Variants in TMEM63B observed in about 807,000 individuals in gnomAD.
TMEM63B encodes mechanosensitive cation channel TMEM63B.
Under a neutral mutation model 102.6 loss-of-function variants are expected in TMEM63B, and 23 were observed. That is an observed-to-expected ratio of 0.22 (90% CI 0.16 to 0.32). The LOEUF (loss-of-function observed/expected upper bound fraction) is 0.32, where lower values mean the gene tolerates loss of function less well. Ranked by LOEUF, TMEM63B falls within the 10% of genes least tolerant of loss-of-function variation. The pLI is 1.00. For synonymous variants in TMEM63B, 444 were observed against 437.0 expected (o/e 1.02, Z -0.20); for missense variants, 628 against 1,095.9 (o/e 0.57, Z 6.03).
chr6:44,136,237 T>C (rs1762921619), intron 4 of TMEM63B, 112 bp from the exon 5 acceptor site: 2 of 825,620 alleles, frequency 2.4e-6, no homozygotes, highest in Non-Finnish European at 4.1e-6. Context: ...GCCTCTGCGC[T>C]TCCTGTGCCT....
In TMEM63B at chr6:44,150,473, T is replaced by A; in HGVS notation, c.1608-91T>A. The A allele has an allele frequency of 6.6e-7, 1 of 1,519,634 alleles. No homozygotes were observed. Among genetic ancestry groups the A allele is most frequent in the Non-Finnish European group, 9.1e-7 (1 of 1,097,342 alleles). 94.1% of individuals were successfully genotyped at this position (1,519,634 alleles called of 1,614,324 possible). A position where few individuals can be genotyped will look rare whatever the true frequency, so the allele number is the denominator to read the frequency against. On this transcript the variant is annotated intron_variant, in intron 17 of 23. Transcript: ENST00000323267. This position sits in a 1 kb window ranked among gnomAD's most constrained non-coding sequence, Gnocchi z 4.7. The stretch of plus-strand genomic sequence containing the variant: ...GCTACCCACCCCATGTCTGGGAGTC[T>A]CCCCAGTGGCTCACAGAGGAGGGAC...
intron 1 of TMEM63B, among the ~76,000 whole-genome samples, chr6:44,131,689 A>G (rs1778308312): frequency 6.6e-6 from 1 of 152,006 alleles, no homozygotes; most frequent in African/African-American, 2.4e-5. Context: ...ACTGCACTCC[A>G]CTCTGGTGAC....
At chr6:44,140,651 T>G (rs890679138) in intron 9 of TMEM63B, 22 of 573,902 alleles carry the variant, frequency 3.8e-5, no homozygotes, top group Admixed American at 2.5e-4. Context: ...ATAGTAATAT[T>G]CCTTCCCCTT....
At position 44,135,045 on chromosome 6, in the gene TMEM63B, G is replaced by A. The variant is rs961980645; in HGVS notation, c.188G>A (p.Arg63Gln). 3 of 1,614,230 alleles carry A rather than the reference G, an allele frequency of 1.9e-6. No individual in the cohort carries two copies. Among genetic ancestry groups the A allele is most frequent in the Non-Finnish European group, 1.7e-6 (2 of 1,180,042 alleles). ...CTGCTGTTCTTATTCTCTATCCTCC[G>A]GAAGGTGGCCTGGGACTATGGGCGG... ...LALLFLFSILRKVAWDYGRLA... is the reference protein window; with the variant it reads ...LALLFLFSILQKVAWDYGRLA... Residue 63 changes from arginine to glutamine, a missense_variant, in exon 3 of 24, where the codon CGG becomes CAG. This residue lies in a region of TMEM63B where 336 missense variants were observed against 580.3 expected (regional missense o/e 0.58). Coordinates refer to ENST00000323267, the MANE Select transcript of TMEM63B (RefSeq NM_018426.3).
chr6:44,135,299 T>G, intron 3 of TMEM63B, 29 bp from the exon 4 acceptor site: 1 of 1,608,934 alleles, frequency 6.2e-7, no homozygotes, highest in Non-Finnish European at 8.5e-7. Context: ...CCCCCGCCCC[T>G]GCTAACCCTG....
In TMEM63B at chr6:44,150,329, G is replaced by A; in HGVS notation, c.1607+19G>A. 6.2e-7 allele frequency: 1 copy of A among 1,610,250 alleles called. No homozygotes were observed. Among genetic ancestry groups the A allele is most frequent in the Non-Finnish European group, 8.5e-7 (1 of 1,176,606 alleles). The stretch of plus-strand genomic sequence containing the variant: ...TGAGCAGGTGAGTTGAGAAGGATGG[G>A]GCAGGAGCCAGGGTAGGGGGACAGC... On this transcript the variant is annotated intron_variant, in intron 17 of 23. Transcript: ENST00000323267. The surrounding 1 kb of genome is among the most constrained non-coding windows in gnomAD (Gnocchi z 4.7).
At position 44,152,506 on chromosome 6, in the gene TMEM63B, C is replaced by T. The variant is rs1427235488; in HGVS notation, c.1837-87C>T. ...TGGCTTCTTTTCCGGCCCCAGAGGT[C>T]CTGGCTCCCTTCCCCCTCCCTCCTT... is the stretch of plus-strand genomic sequence containing the variant. On this transcript the variant is annotated intron_variant, in intron 19 of 23. Transcript: ENST00000323267. This position sits in a 1 kb window ranked among gnomAD's most constrained non-coding sequence, Gnocchi z 6.4. 1.0e-6 allele frequency: 1 copy of T among 992,690 alleles called. No homozygotes were observed. The allele number at this position is 992,690 out of a possible 1,614,324, so 61.5% of individuals were successfully genotyped here. A position where few individuals can be genotyped will look rare whatever the true frequency, so the allele number is the denominator to read the frequency against.
At chr6:44,132,466 G>A (rs1029555038) in intron 1 of TMEM63B, among the ~76,000 whole-genome samples, 3 of 152,192 alleles carry the variant, frequency 2.0e-5, no homozygotes, top group African/African-American at 7.2e-5. Context: ...TTGGAATTCA[G>A]AGAGAGAAAC....
rs749697960 is a variant in TMEM63B, at chr6:44,150,545, C to T, written c.1608-19C>T. The T allele has an allele frequency of 6.2e-7, 1 of 1,614,012 alleles. No individual in the cohort carries two copies. Among genetic ancestry groups the T allele is most frequent in the South Asian group, 1.1e-5 (1 of 91,028 alleles). On this transcript the variant is annotated intron_variant, in intron 17 of 23. Transcript: ENST00000323267. This position sits in a 1 kb window ranked among gnomAD's most constrained non-coding sequence, Gnocchi z 4.7. ...TACCACTCCAGCTCCCACCCCATCT[C>T]TCCTCTGCTTCCCTCCAGCCTGGAC...
In TMEM63B at chr6:44,148,161, T is replaced by C. The variant is rs1216164178; in HGVS notation, c.988-91T>C. 11 of 1,554,600 alleles carry C rather than the reference T, an allele frequency of 7.1e-6. No homozygotes were observed. Among genetic ancestry groups the C allele is most frequent in the Non-Finnish European group, 9.5e-6 (11 of 1,153,708 alleles). On this transcript the variant is annotated intron_variant, in intron 12 of 23. Coordinates refer to ENST00000323267, the MANE Select transcript of TMEM63B (RefSeq NM_018426.3). The surrounding 1 kb of genome is among the most constrained non-coding windows in gnomAD (Gnocchi z 5.1). ...ATGCTTAGAGGAGCAGTGCCTGGCTTGTAGGAAGCCCCAAGTCAGCGTGGG... is the reference window on the plus strand; with the variant it reads ...ATGCTTAGAGGAGCAGTGCCTGGCTCGTAGGAAGCCCCAAGTCAGCGTGGG...
intron 10 of TMEM63B, among the ~76,000 whole-genome samples, chr6:44,145,417 C>T (rs796291909): frequency 2.0e-5 from 3 of 147,092 alleles, no homozygotes; most frequent in African/African-American, 7.5e-5. Flanking sequence ...CCTATCTCTA[C>T]TAAAAATACA....
intron 9 of TMEM63B, 186 bp downstream of exon 9, chr6:44,140,546 A>C (rs745634938): frequency 3.1e-5 from 21 of 686,888 alleles, no homozygotes; most frequent in South Asian, 3.0e-4. Flanking sequence ...TGTAAAATGG[A>C]ATAACAACAG....
intron 3 of TMEM63B, 44 bp downstream of exon 3, chr6:44,135,140 T>G (rs770921881): frequency 3.2e-5 from 52 of 1,606,532 alleles, no homozygotes; most frequent in Non-Finnish European, 4.4e-5. Context: ...CACACACATC[T>G]TGTTCCACAC....
chr6:44,148,709 G>T lies in TMEM63B; in HGVS notation c.1259+59G>T. On this transcript the variant is annotated intron_variant, in intron 14 of 23. Coordinates refer to ENST00000323267, the MANE Select transcript of TMEM63B (RefSeq NM_018426.3). This position sits in a 1 kb window ranked among gnomAD's most constrained non-coding sequence, Gnocchi z 5.1. ...GGCCTGGGATGGGCTCAGTAGGTAG[G>T]CGGAGGAGAGGGAGTGTCTTGGTGT... 1 of 1,610,934 alleles carries T rather than the reference G, an allele frequency of 6.2e-7. No homozygotes were observed. Among genetic ancestry groups the T allele is most frequent in the African/African-American group, 1.3e-5 (1 of 75,016 alleles).
chr6:44,146,398 A>G (rs1234257060), intron 10 of TMEM63B, among the ~76,000 whole-genome samples: 1 of 146,698 alleles, frequency 6.8e-6, no homozygotes, highest in East Asian at 2.2e-4. Context: ...ATTCTTGGGG[A>G]ACTCTCAGTT....
In TMEM63B at chr6:44,148,787, G is replaced by C; in HGVS notation, c.1260-5G>C. ...CCTGGACTGACCGGTTCCCCACCTT[G>C]CCAGGGAGCACCTCTCCATCCGAGG... On this transcript the variant is annotated splice_polypyrimidine_tract_variant and splice_region_variant and intron_variant, in intron 14 of 23. Transcript: ENST00000323267. The surrounding 1 kb of genome is among the most constrained non-coding windows in gnomAD (Gnocchi z 5.1). The C allele has an allele frequency of 6.2e-7, 1 of 1,614,090 alleles. No individual in the cohort carries two copies. The highest frequency in any genetic ancestry group is 8.5e-7 in the Non-Finnish European group (1 of 1,180,000).
intron 5 of TMEM63B, among the ~76,000 whole-genome samples, chr6:44,136,918 G>A (rs1337421274): frequency 3.3e-5 from 5 of 152,228 alleles, no homozygotes; most frequent in East Asian, 1.9e-4. Flanking sequence ...GGTGGTGGGC[G>A]CCTGTAGTCC....
chr6:44,136,594 A>AC (rs910262701), intron 5 of TMEM63B, among the ~76,000 whole-genome samples, 155 bp downstream of exon 5: 4 of 151,648 alleles, frequency 2.6e-5, no homozygotes, highest in Admixed American at 6.6e-5. Flanking sequence ...CCACAGGATG[A>AC]CCCCCCAGGC....
chr6:44,150,064 C>A lies in TMEM63B; in HGVS notation c.1520+99C>A. ...TGCCCTTCAGGCTCCTGGCCCTGGG[C>A]AGTCCCACAGCTGGTAGGGAAGGGG... On this transcript the variant is annotated intron_variant, in intron 16 of 23. Transcript: ENST00000323267. The surrounding 1 kb of genome is among the most constrained non-coding windows in gnomAD (Gnocchi z 4.7). 2 of 1,380,430 alleles carry A rather than the reference C, an allele frequency of 1.4e-6. No individual in the cohort carries two copies. The highest frequency in any genetic ancestry group is 1.3e-5 in the South Asian group (1 of 79,484). The allele number at this position is 1,380,430 out of a possible 1,614,324, so 85.5% of individuals were successfully genotyped here. A position where few individuals can be genotyped will look rare whatever the true frequency, so the allele number is the denominator to read the frequency against.
Sources: gnomAD v4.1 joint callset for allele counts (sites outside exome capture counted in the v4.1 genomes callset) on GRCh38, gnomAD v4.1.1 for gene constraint, gnomAD v4.1.1 regional missense constraint, Gnocchi (gnomAD v3.1) non-coding constraint, MANE v1.5 for transcripts, NCBI Gene and HGNC (gene_info 2026-07-23, HGNC 2026-07-21) for gene names.